The following SLC25A48 variants were observed in gnomAD, a reference collection of about 807,000 sequenced individuals.
The protein encoded by SLC25A48 is CTC-321K16.1.
In SLC25A48, 29 loss-of-function variants were observed where a neutral mutation model predicts 32.2. The observed-to-expected ratio is 0.90, with a 90% CI of 0.67 to 1.23. The LOEUF is 1.23. SLC25A48 is among the 50% of genes most tolerant of loss of function. SLC25A48 has a pLI of 0.00. For synonymous variants in SLC25A48, 164 were observed against 172.3 expected, an observed-to-expected ratio of 0.95 and a Z score of 0.38; for missense variants, 399 against 422.7, an observed-to-expected ratio of 0.94 and a Z score of 0.49.
At chr5:135,835,531 G>A (rs909035175) in intron 1 of SLC25A48, among the ~76,000 whole-genome samples, 1 of 152,076 alleles carries the variant, frequency 6.6e-6, no homozygotes, top group African/African-American at 2.4e-5. Flanking sequence ...CACAGCTCCC[G>A]AAGCCACTCT....
At chr5:135,823,124 G>A (rs1015705338) in intron 4 of SLC25A48, among the ~76,000 whole-genome samples, 3 of 152,090 alleles carry the variant, frequency 2.0e-5, no homozygotes, top group African/African-American at 7.2e-5. Flanking sequence ...TCAGGGGCGG[G>A]GACTCAAGGC....
chr5:135,676,293 A>G (rs1295893785), intron 3 of SLC25A48, among the ~76,000 whole-genome samples: 1 of 151,736 alleles, frequency 6.6e-6, no homozygotes, highest in Non-Finnish European at 1.5e-5. Context: ...ATAGTCTCTG[A>G]TGATCTTTTG....
chr5:135,836,658 G>A (rs1413698803), intron 1 of SLC25A48, among the ~76,000 whole-genome samples: 2 of 152,020 alleles, frequency 1.3e-5, no homozygotes, highest in African/African-American at 4.8e-5. Flanking sequence ...CTGTAAATTT[G>A]CCTTTCCTGT....
intron 3 of SLC25A48, among the ~76,000 whole-genome samples, chr5:135,685,621 C>T (rs1300410652): frequency 1.3e-5 from 2 of 152,000 alleles, no homozygotes; most frequent in Non-Finnish European, 2.9e-5. Context: ...TTAGTAGAGA[C>T]GGGGTTTCAC....
chr5:135,586,589 A>G lies in SLC25A48; in HGVS notation c.-849+6992A>G, dbSNP rs1751371870. Among the ~76,000 whole-genome samples, 3 of 152,194 alleles carry G rather than the reference A, an allele frequency of 2.0e-5. No individual in the cohort carries two copies. The South Asian group carries it at 6.2e-4, about 32-fold the overall frequency. ...ATGTGGGGAGAGAAAGGCTAGGCAC[A>G]CTGCTAAGCTCTCATAGGGCACAGT... is the stretch of plus-strand genomic sequence containing the variant. On this transcript the variant is annotated intron_variant, in intron 1 of 10. Transcript: ENST00000646290.
At chr5:135,736,012 G>A (rs1755352085) in intron 3 of SLC25A48, among the ~76,000 whole-genome samples, 1 of 152,128 alleles carries the variant, frequency 6.6e-6, no homozygotes, top group South Asian at 2.1e-4. Context: ...GGATTATAGG[G>A]TGGAGGAGCG....
At chr5:135,600,245 T>C (rs1751762985) in intron 1 of SLC25A48, among the ~76,000 whole-genome samples, 1 of 152,218 alleles carries the variant, frequency 6.6e-6, no homozygotes. Context: ...AAGGAACAGC[T>C]TGGAGAGCAG....
At chr5:135,646,403 GCTGCCTTATCT>G (rs1166481217) in intron 3 of SLC25A48, among the ~76,000 whole-genome samples, 1 of 151,950 alleles carries the variant, frequency 6.6e-6, no homozygotes, top group Non-Finnish European at 1.5e-5. Context: ...TGTATAGGTG[GCTGCCTTATCT>G]CTGTTCCTTC....
chr5:135,721,496 C>A (rs1404942650), intron 3 of SLC25A48, among the ~76,000 whole-genome samples: 1 of 152,108 alleles, frequency 6.6e-6, no homozygotes, highest in Non-Finnish European at 1.5e-5. Flanking sequence ...AACCACCGCA[C>A]CCGGCCTCCC....
chr5:135,870,542 A>C (rs1761553864), intron 4 of SLC25A48, among the ~76,000 whole-genome samples: 1 of 152,196 alleles, frequency 6.6e-6, no homozygotes, highest in Non-Finnish European at 1.5e-5. Flanking sequence ...TTAGACAAGA[A>C]GATAGCAGCC....
intron 3 of SLC25A48, among the ~76,000 whole-genome samples, chr5:135,740,734 T>C (rs536667544): frequency 1.8e-4 from 27 of 152,278 alleles, no homozygotes; most frequent in Non-Finnish European, 3.1e-4. Context: ...TTTCAATAAA[T>C]ACTTGGTGGA....
chr5:135,818,054 C>CTCTCTCTCTCTCTCT (rs1757773517), intron 4 of SLC25A48, among the ~76,000 whole-genome samples: 4 of 80,646 alleles, frequency 5.0e-5, no homozygotes, highest in African/African-American at 2.1e-4. Context: ...TCTCTCTGTT[C>CTCTCTCTCTCTCTCT]CTCTCTCTCT....
At chr5:135,761,837 G>GC (rs995097411) in intron 3 of SLC25A48, among the ~76,000 whole-genome samples, 2 of 152,122 alleles carry the variant, frequency 1.3e-5, no homozygotes, top group South Asian at 2.1e-4. Flanking sequence ...CAGATCCTGC[G>GC]CCCCCCACTT....
chr5:135,608,528 C>A (rs1281767050), intron 1 of SLC25A48, among the ~76,000 whole-genome samples: 10 of 152,198 alleles, frequency 6.6e-5, no homozygotes, highest in African/African-American at 2.2e-4. Context: ...AAGCTGGGTC[C>A]ATTGGAGGAA....
chr5:135,834,027 G>C (rs1343798080), upstream of SLC25A48, among the ~76,000 whole-genome samples: 1 of 152,188 alleles, frequency 6.6e-6, no homozygotes, highest in Non-Finnish European at 1.5e-5. Context: ...GGGGGGCTTC[G>C]AGTCTTCTTA....
At chr5:135,606,333 T>C (rs1751931714) in intron 1 of SLC25A48, among the ~76,000 whole-genome samples, 2 of 152,246 alleles carry the variant, frequency 1.3e-5, no homozygotes, top group Admixed American at 1.3e-4. Flanking sequence ...AATAGTTTAC[T>C]AGGATCTGAT....
intron 3 of SLC25A48, among the ~76,000 whole-genome samples, chr5:135,727,067 C>T (rs1227985935): frequency 1.3e-5 from 2 of 152,038 alleles, no homozygotes; most frequent in African/African-American, 4.8e-5. Flanking sequence ...CGTTGAACAT[C>T]TTTTCATGTG....
chr5:135,884,640 A>C (rs1762654523), intron 7 of SLC25A48, among the ~76,000 whole-genome samples: 1 of 152,076 alleles, frequency 6.6e-6, no homozygotes, highest in African/African-American at 2.4e-5. Flanking sequence ...GGCACGGAGG[A>C]TGCGAGTGAA....
chr5:135,685,294 A>G (rs1411082914), intron 3 of SLC25A48, among the ~76,000 whole-genome samples: 2 of 150,412 alleles, frequency 1.3e-5, no homozygotes, highest in African/African-American at 4.9e-5. Context: ...AACTCTTTAT[A>G]TATTATTTTA....
Sources: allele counts gnomAD v4.1 joint callset (sites outside exome capture counted in the v4.1 genomes callset), GRCh38; gene constraint gnomAD v4.1.1; transcripts MANE v1.5; gene names NCBI Gene and HGNC (gene_info 2026-07-23, HGNC 2026-07-21).